UGP2: variants seen among roughly 807,000 people sequenced by gnomAD.
UGP2 encodes the protein UTP--glucose-1-phosphate uridylyltransferase.
In UGP2, 40 loss-of-function variants were observed where a neutral mutation model predicts 49.0. The ratio of observed to expected loss-of-function variants is 0.82; its 90% CI spans 0.63 to 1.06. The LOEUF (loss-of-function observed/expected upper bound fraction) is 1.06, where lower values mean the gene tolerates loss of function less well. Ranked by LOEUF, UGP2 falls within the 50% of genes least tolerant of loss-of-function variation. The pLI, the probability that UGP2 is intolerant of heterozygous loss-of-function variation, is 0.00. For synonymous variants in UGP2, 225 were observed against 213.0 expected (o/e 1.06, Z -0.49); for missense variants, 460 against 603.5 (o/e 0.76, Z 2.49).
intron 1 of UGP2, among the ~76,000 whole-genome samples, chr2:63,845,519 TAAA>T (rs11392263): frequency 6.5e-5 from 9 of 139,468 alleles, no homozygotes; most frequent in Admixed American, 7.1e-5. Context: ...GTTATTATGT[TAAA>T]AAAAAAAAAA....
intron 1 of UGP2, chr2:63,842,471 TGTAA>T: frequency 6.5e-7 from 1 of 1,539,824 alleles, no homozygotes; most frequent in Non-Finnish European, 8.7e-7. Flanking sequence ...GGATAGTGGC[TGTAA>T]GTGATAAAAC....
At chr2:63,862,863 AC>A (rs1406162422) in intron 3 of UGP2, 1 of 456,438 alleles carries the variant, frequency 2.2e-6, no homozygotes, top group South Asian at 1.6e-5. Context: ...GAAGGGAGAT[AC>A]AAGATGATTT....
chr2:63,872,323 T>C (rs2104324160), intron 3 of UGP2, among the ~76,000 whole-genome samples: 1 of 152,360 alleles, frequency 6.6e-6, no homozygotes. Flanking sequence ...CTATTGGTTA[T>C]ATGGTGGATC....
chr2:63,863,405 C>T (rs1242834347), intron 3 of UGP2, among the ~76,000 whole-genome samples: 2 of 151,832 alleles, frequency 1.3e-5, no homozygotes, highest in African/African-American at 4.8e-5. Flanking sequence ...CTCTAGTTTT[C>T]CAGGTTTAAA....
intron 1 of UGP2, among the ~76,000 whole-genome samples, chr2:63,850,239 A>G (rs1201115985): frequency 6.6e-6 from 1 of 152,192 alleles, no homozygotes; most frequent in South Asian, 2.1e-4. Context: ...ATTAGCAAAA[A>G]TCTTTTTTAG....
In UGP2 at chr2:63,890,179, A is replaced by G. The variant is rs768401173; in HGVS notation, c.1413A>G (p.Ser471=). ...SGDVTFGKNV[S]LKGTVIIIAN... is the part of the protein sequence containing the mutation. ...ATGTGACATTTGGAAAAAATGTTTCATTAAAGGTATGTTGTTACAATGAAA... is the reference window on the plus strand; with the variant it reads ...ATGTGACATTTGGAAAAAATGTTTCGTTAAAGGTATGTTGTTACAATGAAA... The change falls in exon 9 of 10, where the codon TCA becomes TCG. Residue 471 remains serine, a synonymous_variant. Coordinates refer to ENST00000337130, the MANE Select transcript of UGP2 (RefSeq NM_006759.4). 1 of 1,605,356 alleles carries G rather than the reference A, an allele frequency of 6.2e-7. No individual in the cohort carries two copies. Among genetic ancestry groups the G allele is most frequent in the Non-Finnish European group, 8.5e-7 (1 of 1,174,622 alleles).
chr2:63,878,134 C>G (rs920425244), intron 3 of UGP2, among the ~76,000 whole-genome samples: 17 of 150,658 alleles, frequency 1.1e-4, no homozygotes, highest in Admixed American at 6.6e-5. Flanking sequence ...ACTTCCAAAG[C>G]ATAATTTTGG....
intron 7 of UGP2, among the ~76,000 whole-genome samples, 184 bp from the exon 8 acceptor site, chr2:63,887,218 T>C (rs180790136): frequency 2.7e-4 from 41 of 151,928 alleles, no homozygotes; most frequent in African/African-American, 8.7e-4. Context: ...TGAGCCGAGA[T>C]TGCGCCACTG....
At chr2:63,855,520 G>GTTTTTTTTTTTTTTTTTTTTCT (rs1669337706) in intron 1 of UGP2, 15 of 194,310 alleles carry the variant, frequency 7.7e-5, no homozygotes, top group African/African-American at 1.6e-4. Context: ...TTCTTTTTCT[G>GTTTTTTTTTTTTTTTTTTTTCT]TTTTTTTTTT....
chr2:63,855,589 T>C, intron 1 of UGP2: 1 of 350,258 alleles, frequency 2.9e-6, no homozygotes, highest in Non-Finnish European at 5.6e-6. Context: ...TCACCCAGGC[T>C]GGAGTGCGGT....
At chr2:63,864,862 G>A (rs1275824407) in intron 3 of UGP2, among the ~76,000 whole-genome samples, 1 of 152,160 alleles carries the variant, frequency 6.6e-6, no homozygotes, top group Admixed American at 6.5e-5. Context: ...ACTAGCTACT[G>A]TGTGATAGGC....
In UGP2 at chr2:63,857,866, T is replaced by G; in HGVS notation, c.185T>G (p.Phe62Cys). ...KKDLDGFRKL[F>C]HRFLQEKGPS... ...GACCTGGATGGATTTCGGAAGCTAT[T>G]TCATAGATTTTTGCAAGAAAAGGGG... Residue 62 changes from phenylalanine to cysteine, a missense_variant, in exon 3 of 10, where the codon TTT (phenylalanine) becomes TGT (cysteine). Physicochemically the swap from Phe to Cys is radical, Grantham distance 205. Transcript: ENST00000337130. The G allele has an allele frequency of 6.2e-7, 1 of 1,614,114 alleles. No individual in the cohort carries two copies. Among genetic ancestry groups the G allele is most frequent in the South Asian group, 1.1e-5 (1 of 91,078 alleles).
chr2:63,882,789 A>G (rs1374247208), intron 4 of UGP2, 138 bp downstream of exon 4: 4 of 971,586 alleles, frequency 4.1e-6, no homozygotes, highest in Non-Finnish European at 5.6e-6. Context: ...TTATTGGTGG[A>G]AAAAAGGTTT....
intron 1 of UGP2, 189 bp from the exon 2 acceptor site, chr2:63,856,117 T>A (rs1669400307): frequency 1.7e-6 from 1 of 572,266 alleles, no homozygotes; most frequent in South Asian, 2.6e-5. Flanking sequence ...TCTTGTTTAG[T>A]GGAGAATATG....
At chr2:63,870,023 C>T (rs1376126530) in intron 3 of UGP2, among the ~76,000 whole-genome samples, 2 of 150,400 alleles carry the variant, frequency 1.3e-5, no homozygotes. Flanking sequence ...CCTAGGTTTA[C>T]ACCATTCTCC....
chr2:63,872,893 G>T (rs1029020270), intron 3 of UGP2, among the ~76,000 whole-genome samples: 3 of 151,998 alleles, frequency 2.0e-5, no homozygotes, highest in Admixed American at 6.6e-5. Flanking sequence ...TTGGTGCTCT[G>T]TATGCCAGTA....
rs1197405709 is a variant in UGP2 at position 63,860,760 on chromosome 2, T to TG, written c.255+2824_255+2825insG. ...CAGGCATTGTGCCACCAGGCCCAGC[T>TG]AATTTTTTTTTTTTTTTTTTTTTTG... On this transcript the variant is annotated intron_variant, in intron 3 of 9. Transcript: ENST00000337130. Among the ~76,000 whole-genome samples, 20 of 139,920 alleles carry TG rather than the reference T, an allele frequency of 1.4e-4. No homozygotes were observed. In the South Asian group the frequency reaches 4.9e-3, roughly 35 times the overall value. 91.8% of individuals were successfully genotyped at this position (139,920 alleles called of 152,430 possible).
At chr2:63,870,379 T>A (rs913168875) in intron 3 of UGP2, among the ~76,000 whole-genome samples, 4 of 152,198 alleles carry the variant, frequency 2.6e-5, no homozygotes, top group African/African-American at 7.2e-5. Context: ...TTGTGATATG[T>A]GATTGTTCAT....
At chr2:63,887,695 T>C (rs371212246) in intron 8 of UGP2, 51 bp downstream of exon 8, 15 of 1,597,866 alleles carry the variant, frequency 9.4e-6, no homozygotes, top group Non-Finnish European at 1.2e-5. Context: ...TGTGTAATTA[T>C]AAAGATATGA....
Sources: gnomAD v4.1 joint callset for allele counts (sites outside exome capture counted in the v4.1 genomes callset) on GRCh38, gnomAD v4.1.1 for gene constraint, MANE v1.5 for transcripts, NCBI Gene and HGNC (gene_info 2026-07-23, HGNC 2026-07-21) for gene names.